The following CPXM2 variants were observed in gnomAD, a reference collection of about 807,000 sequenced individuals.
The protein encoded by CPXM2 is inactive carboxypeptidase-like protein X2.
In CPXM2, 66 loss-of-function variants were observed where a neutral mutation model predicts 86.1. The ratio of observed to expected loss-of-function variants is 0.77; its 90% CI spans 0.63 to 0.94. The LOEUF is 0.94. Ranked by LOEUF, CPXM2 falls within the 40% of genes least tolerant of loss-of-function variation. CPXM2 has a pLI of 0.00. For missense variants in CPXM2, 948 were observed against 1,026.3 expected (o/e 0.92, Z 1.04); for synonymous variants, 388 against 400.2 (o/e 0.97, Z 0.36).
intron 1 of CPXM2, among the ~76,000 whole-genome samples, chr10:123,883,576 G>T (rs546006678): frequency 2.7e-4 from 41 of 152,358 alleles, no homozygotes; most frequent in African/African-American, 9.6e-4. Flanking sequence ...ATCACAAAAA[G>T]CTATTCCAGT....
chr10:123,757,413 C>T (rs538112728), intron 11 of CPXM2, 61 bp from the exon 12 acceptor site: 16 of 1,394,932 alleles, frequency 1.1e-5, no homozygotes, highest in African/African-American at 7.1e-5. Context: ...CTGGGGAATG[C>T]GGCACAGCGG....
intron 1 of CPXM2, among the ~76,000 whole-genome samples, chr10:123,880,961 G>T (rs1945079242): frequency 1.3e-5 from 2 of 150,392 alleles, no homozygotes; most frequent in Admixed American, 6.6e-5. Context: ...CCCAGAGCTA[G>T]CATTTTCCAC....
At chr10:123,938,926 C>G (rs1006309564) in intron 2 of CPXM2, among the ~76,000 whole-genome samples, 1 of 152,132 alleles carries the variant, frequency 6.6e-6, no homozygotes, top group African/African-American at 2.4e-5. Context: ...AGCCCAGGTA[C>G]TTCCATAGCC....
chr10:123,911,154 A>G (rs1445331534), intron 2 of CPXM2, among the ~76,000 whole-genome samples: 2 of 152,224 alleles, frequency 1.3e-5, no homozygotes, highest in East Asian at 3.9e-4. Context: ...ACTTCAACAT[A>G]TCTTTCTGTG....
chr10:123,807,202 G>A (rs891079295), intron 4 of CPXM2, among the ~76,000 whole-genome samples: 1 of 152,154 alleles, frequency 6.6e-6, no homozygotes, highest in African/African-American at 2.4e-5. Context: ...AAGTTGAACT[G>A]GGACATAATT....
intron 3 of CPXM2, among the ~76,000 whole-genome samples, chr10:123,846,240 C>T (rs564634486): frequency 5.3e-5 from 8 of 152,266 alleles, no homozygotes; most frequent in Admixed American, 1.3e-4. Context: ...CTTACCATAA[C>T]GTAGAATCAA....
At chr10:123,811,139 T>TTTC (rs1847683025) in intron 4 of CPXM2, among the ~76,000 whole-genome samples, 1 of 85,118 alleles carries the variant, frequency 1.2e-5, no homozygotes, top group African/African-American at 5.8e-5. Context: ...TCATTTTTTT[T>TTTC]TTTCTTTTTT....
At chr10:123,860,140 G>A (rs1171318317) in intron 3 of CPXM2, among the ~76,000 whole-genome samples, 1 of 152,196 alleles carries the variant, frequency 6.6e-6, no homozygotes, top group Non-Finnish European at 1.5e-5. Flanking sequence ...AAGGTTCAGA[G>A]AGAGACCCAG....
chr10:123,782,246 T>C (rs1452555111), intron 6 of CPXM2, among the ~76,000 whole-genome samples: 1 of 152,178 alleles, frequency 6.6e-6, no homozygotes, highest in African/African-American at 2.4e-5. Flanking sequence ...AAACATGTAT[T>C]TTGCATTCAT....
chr10:123,817,356 A>G (rs558941357), intron 4 of CPXM2, among the ~76,000 whole-genome samples: 104 of 152,292 alleles, frequency 6.8e-4, no homozygotes, highest in Middle Eastern at 3.4e-3. Flanking sequence ...GGCCCTCATA[A>G]GTAAATCACA....
At chr10:123,826,124 T>A (rs551077345) in intron 4 of CPXM2, among the ~76,000 whole-genome samples, 3 of 152,358 alleles carry the variant, frequency 2.0e-5, no homozygotes, top group Admixed American at 1.3e-4. Context: ...ATCATTATTA[T>A]TCCTGCTTTA....
intron 2 of CPXM2, among the ~76,000 whole-genome samples, chr10:123,907,777 A>G (rs1357701563): frequency 6.6e-6 from 1 of 152,152 alleles, no homozygotes; most frequent in African/African-American, 2.4e-5. Context: ...GCCCACCCAG[A>G]TGTACACTGA....
chr10:123,783,327 C>A (rs1430986242), intron 6 of CPXM2, among the ~76,000 whole-genome samples: 1 of 152,234 alleles, frequency 6.6e-6, no homozygotes, highest in African/African-American at 2.4e-5. Context: ...TCCAGGAACC[C>A]TCTCCTGGGG....
intron 6 of CPXM2, among the ~76,000 whole-genome samples, chr10:123,787,369 G>C (rs932405755): frequency 6.6e-6 from 1 of 152,014 alleles, no homozygotes; most frequent in Non-Finnish European, 1.5e-5. Context: ...CAAACCAAGT[G>C]CCTGCTCACT....
intron 2 of CPXM2, among the ~76,000 whole-genome samples, chr10:123,870,284 C>A (rs541161758): frequency 5.9e-5 from 9 of 152,280 alleles, no homozygotes; most frequent in African/African-American, 2.2e-4. Flanking sequence ...AATGAAGTTG[C>A]TTGATGGTGT....
intron 3 of CPXM2, among the ~76,000 whole-genome samples, chr10:123,849,805 A>T (rs1035116059): frequency 3.3e-5 from 5 of 152,206 alleles, no homozygotes; most frequent in Non-Finnish European, 7.3e-5. Context: ...TATAATAGAT[A>T]CAGAAAAGTG....
At chr10:123,794,833 C>T (rs1011037031) in intron 6 of CPXM2, among the ~76,000 whole-genome samples, 3 of 151,468 alleles carry the variant, frequency 2.0e-5, no homozygotes, top group African/African-American at 7.3e-5. Flanking sequence ...TGCAGTGGTG[C>T]GATCTCGGCT....
At chr10:123,761,840 C>CGCA (rs1564753936) in intron 11 of CPXM2, 32 bp downstream of exon 11, 1 of 1,602,084 alleles carries the variant, frequency 6.2e-7, no homozygotes, top group South Asian at 1.1e-5. Flanking sequence ...CTCCTGCGCC[C>CGCA]GCAGCCCACT....
intron 2 of CPXM2, among the ~76,000 whole-genome samples, chr10:123,902,901 C>T (rs1037632595): frequency 2.0e-5 from 3 of 152,220 alleles, no homozygotes; most frequent in African/African-American, 7.2e-5. Flanking sequence ...TCATTACTGC[C>T]TGGAGAACAA....
Sources: allele counts gnomAD v4.1 joint callset (sites outside exome capture counted in the v4.1 genomes callset), GRCh38; gene constraint gnomAD v4.1.1; transcripts MANE v1.5; gene names NCBI Gene and HGNC (gene_info 2026-07-23, HGNC 2026-07-21).